FGD3: variants seen among roughly 807,000 people sequenced by gnomAD.
FGD3 encodes FYVE, RhoGEF and PH domain-containing protein 3.
Under a neutral mutation model 71.8 loss-of-function variants are expected in FGD3, and 45 were observed. That is an observed-to-expected ratio of 0.63 (90% CI 0.49 to 0.80). The LOEUF (loss-of-function observed/expected upper bound fraction) is 0.80, where lower values mean the gene tolerates loss of function less well. Ranked by LOEUF, FGD3 falls within the 30% of genes least tolerant of loss-of-function variation. The probability of loss-of-function intolerance (pLI) is 0.00; values close to 1 mark genes in which losing one functional copy is unlikely to be tolerated. For synonymous variants in FGD3, 378 were observed against 392.8 expected (o/e 0.96, Z 0.44); for missense variants, 844 against 951.5 (o/e 0.89, Z 1.49).
chr9:93,034,795 C>T, intron 17 of FGD3, 114 bp downstream of exon 17: 1 of 1,208,582 alleles, frequency 8.3e-7, no homozygotes, highest in Non-Finnish European at 1.1e-6. Flanking sequence ...AGCAGTGTTA[C>T]CTGGGGCCTC....
chr9:92,994,981 T>G (rs1860574432), intron 3 of FGD3, among the ~76,000 whole-genome samples: 2 of 152,240 alleles, frequency 1.3e-5, no homozygotes, highest in Admixed American at 1.3e-4. Flanking sequence ...CCATATGAAC[T>G]TTAAAGTAGT....
intron 14 of FGD3, 58 bp downstream of exon 14, chr9:93,022,447 C>T: frequency 6.4e-7 from 1 of 1,565,082 alleles, no homozygotes; most frequent in East Asian, 2.3e-5. Flanking sequence ...GGGGTCAGAC[C>T]AGGATGACCT....
intron 3 of FGD3, among the ~76,000 whole-genome samples, chr9:92,996,980 A>G (rs1381179449): frequency 6.6e-6 from 1 of 152,146 alleles, no homozygotes; most frequent in Non-Finnish European, 1.5e-5. Flanking sequence ...AGTTCTGTAG[A>G]TGTCTATTAG....
intron 3 of FGD3, among the ~76,000 whole-genome samples, chr9:92,997,546 T>C (rs770940324): frequency 9.9e-5 from 15 of 152,206 alleles, no homozygotes; most frequent in Non-Finnish European, 1.9e-4. Flanking sequence ...TGCTCGTTAG[T>C]TGATGCAGTT....
chr9:92,954,118 C>T (rs182759943), intron 1 of FGD3, among the ~76,000 whole-genome samples: 5 of 152,312 alleles, frequency 3.3e-5, no homozygotes, highest in South Asian at 2.1e-4. Context: ...CACCCAGAGA[C>T]GGTCACTCTC....
At chr9:92,963,810 G>A (rs563246818) in intron 1 of FGD3, among the ~76,000 whole-genome samples, 66 of 152,296 alleles carry the variant, frequency 4.3e-4, no homozygotes, top group Middle Eastern at 3.4e-3. Context: ...GGTCTCCCAG[G>A]AAGCATCTTG....
At chr9:93,022,294 T>C in intron 13 of FGD3, 33 bp from the exon 14 acceptor site, 1 of 1,597,250 alleles carries the variant, frequency 6.3e-7, no homozygotes. Flanking sequence ...GGCCCTGGAA[T>C]CTCCTCTCAC....
chr9:92,950,279 T>C (rs1858930425), intron 1 of FGD3, among the ~76,000 whole-genome samples: 1 of 151,636 alleles, frequency 6.6e-6, no homozygotes, highest in Non-Finnish European at 1.5e-5. Context: ...TAGCCGGGCA[T>C]GGTGGCGGGT....
At chr9:93,017,042 G>C (rs1861729778) in intron 10 of FGD3, among the ~76,000 whole-genome samples, 1 of 152,236 alleles carries the variant, frequency 6.6e-6, no homozygotes, top group Non-Finnish European at 1.5e-5. Context: ...GCTGAGGTAG[G>C]AGGATCACTT....
At chr9:92,971,855 TCAC>T (rs1859547135) in intron 1 of FGD3, among the ~76,000 whole-genome samples, 1 of 151,968 alleles carries the variant, frequency 6.6e-6, no homozygotes, top group South Asian at 2.1e-4. Context: ...CATGAAATTA[TCAC>T]CACAATCAAG....
chr9:92,976,112 G>A (rs1015794948), intron 2 of FGD3, 96 bp from the exon 3 acceptor site: 15 of 714,256 alleles, frequency 2.1e-5, no homozygotes, highest in Admixed American at 8.9e-5. Flanking sequence ...GGTGGGGGGC[G>A]GAGGGTACTG....
At chr9:92,975,683 C>T (rs1012244722) in intron 2 of FGD3, among the ~76,000 whole-genome samples, 3 of 152,120 alleles carry the variant, frequency 2.0e-5, no homozygotes, top group African/African-American at 7.2e-5. Context: ...TGGCAAGACG[C>T]ACCTCCTGCC....
rs561530014 is a variant in FGD3 at position 92,961,407 on chromosome 9, T to C, written c.-218+13678T>C. ...TGTGGTCCCCAGGAGCCCTCCATGG[T>C]CACCAGGAGTCCTCCGGGGTAGAGG... On this transcript the variant is annotated intron_variant, in intron 1 of 17. Transcript: ENST00000375482. 5.2e-4 allele frequency among the ~76,000 whole-genome samples: 79 copies of C among 152,272 alleles called. 3 individuals are homozygous for C. The South Asian group carries it at 0.016, about 31-fold the overall frequency.
At chr9:93,016,243 G>A (rs1022891939) in intron 10 of FGD3, among the ~76,000 whole-genome samples, 5 of 152,108 alleles carry the variant, frequency 3.3e-5, no homozygotes, top group African/African-American at 1.2e-4. Context: ...TCCCTTGTCT[G>A]GTTCCTGGGT....
intron 1 of FGD3, among the ~76,000 whole-genome samples, chr9:92,957,278 C>G (rs1339636348): frequency 6.6e-6 from 1 of 152,206 alleles, no homozygotes; most frequent in Non-Finnish European, 1.5e-5. Flanking sequence ...AAATGCCAAA[C>G]AGTTTTCCAA....
chr9:93,006,963 A>G (rs561832605), intron 6 of FGD3, among the ~76,000 whole-genome samples: 5 of 151,370 alleles, frequency 3.3e-5, no homozygotes, highest in East Asian at 2.0e-4. Flanking sequence ...TCCTGACCTC[A>G]TGATCCGCCC....
At chr9:92,989,919 G>GTTTTTTTTTTTT (rs55714845) in intron 3 of FGD3, among the ~76,000 whole-genome samples, 2 of 106,556 alleles carry the variant, frequency 1.9e-5, no homozygotes, top group Non-Finnish European at 3.9e-5. Context: ...CCTTGTAGAG[G>GTTTTTTTTTTTT]TTTTTTTTTT....
intron 3 of FGD3, among the ~76,000 whole-genome samples, chr9:92,991,021 T>G (rs1232728729): frequency 1.3e-5 from 2 of 152,182 alleles, no homozygotes; most frequent in Non-Finnish European, 2.9e-5. Context: ...TTCAGTAGAA[T>G]TCAGTGGTGA....
At chr9:92,979,716 G>T (rs753171938) in intron 3 of FGD3, among the ~76,000 whole-genome samples, 13 of 152,182 alleles carry the variant, frequency 8.5e-5, no homozygotes, top group Non-Finnish European at 1.6e-4. Context: ...GAATCCATCA[G>T]TGAAGCCATC....
Sources: gnomAD v4.1 joint callset for allele counts (sites outside exome capture counted in the v4.1 genomes callset) on GRCh38, gnomAD v4.1.1 for gene constraint, MANE v1.5 for transcripts, NCBI Gene and HGNC (gene_info 2026-07-23, HGNC 2026-07-21) for gene names.